The following TMEM268 variants were observed in gnomAD, a reference collection of about 807,000 sequenced individuals.
TMEM268 encodes transmembrane protein C9orf91.
TMEM268 carries 24 observed loss-of-function variants against 39.1 expected under a neutral mutation model. That is an observed-to-expected ratio of 0.61 (90% CI 0.44 to 0.86). The LOEUF (loss-of-function observed/expected upper bound fraction) is 0.86, where lower values mean the gene tolerates loss of function less well. Among genes scored for constraint, TMEM268 ranks in the 40% least tolerant of loss-of-function variants. The pLI is 0.00. For missense variants in TMEM268, 409 were observed against 428.6 expected, an observed-to-expected ratio of 0.95 and a Z score of 0.40; for synonymous variants, 176 against 173.5, an observed-to-expected ratio of 1.01 and a Z score of -0.12.
Position 114,626,119 on chromosome 9 carries a change from C to T in TMEM268, c.217-780C>T, listed in dbSNP as rs1039838790. 2.0e-5 allele frequency among the ~76,000 whole-genome samples: 3 copies of T among 152,176 alleles called. No homozygotes were observed. In the East Asian group the frequency reaches 5.8e-4, roughly 29 times the overall value. ...GGATTACAGGTGTGAGCCACCGTGC[C>T]TGGCATTCTTTTTTATTTTTATAAA... On this transcript the variant is annotated intron_variant, in intron 3 of 8. Coordinates refer to ENST00000288502, the MANE Select transcript of TMEM268 (RefSeq NM_153045.4).
chr9:114,638,234 G>A (rs1303899389), intron 7 of TMEM268, among the ~76,000 whole-genome samples: 3 of 152,144 alleles, frequency 2.0e-5, no homozygotes, highest in African/African-American at 7.2e-5. Flanking sequence ...TGGTGACTGG[G>A]TTTCACCATA....
intron 5 of TMEM268, among the ~76,000 whole-genome samples, chr9:114,630,845 G>A (rs751309150): frequency 7.2e-5 from 11 of 152,142 alleles, no homozygotes; most frequent in Non-Finnish European, 1.6e-4. Flanking sequence ...TCAGCTCCAG[G>A]ACCTCCTCCT....
chr9:114,636,533 C>T (rs1250661242), intron 6 of TMEM268, among the ~76,000 whole-genome samples: 1 of 148,444 alleles, frequency 6.7e-6, no homozygotes, highest in East Asian at 2.0e-4. Context: ...CAGAGTCTTT[C>T]TCTGTCACCC....
chr9:114,643,553 G>C lies in TMEM268; in HGVS notation c.*240G>C. On this transcript the variant is annotated 3_prime_UTR_variant, in exon 9 of 9. Coordinates refer to ENST00000288502, the MANE Select transcript of TMEM268 (RefSeq NM_153045.4). ...GCAGAAGCTGATGGTTACAGAGCTA[G>C]TCCCACCAAAGCTACTCTCTCTGCT... 3 of 514,242 alleles carry C rather than the reference G, an allele frequency of 5.8e-6. No individual in the cohort carries two copies. The highest frequency in any genetic ancestry group is 5.1e-5 in the South Asian group (2 of 39,244). The allele number at this position is 514,242 out of a possible 1,614,324, so 31.9% of individuals were successfully genotyped here. A position where few individuals can be genotyped will look rare whatever the true frequency, so the allele number is the denominator to read the frequency against.
At chr9:114,624,317 C>G (rs887581310) in intron 2 of TMEM268, 33 bp from the exon 3 acceptor site, 2 of 1,567,406 alleles carry the variant, frequency 1.3e-6, no homozygotes, top group African/African-American at 2.7e-5. Flanking sequence ...ATGGTTATCA[C>G]TCAGCCAGAT....
the TMEM268 span, among the ~76,000 whole-genome samples, chr9:114,603,934 C>T: frequency 6.6e-6 from 1 of 152,124 alleles, no homozygotes; most frequent in Non-Finnish European, 1.5e-5. Context: ...GGATGTGAGC[C>T]ACCATGCCCT....
Position 114,624,379 on chromosome 9 carries a change from C to T in TMEM268, c.136C>T (p.Leu46Phe). The change falls in exon 3 of 9, where the codon CTC (leucine) becomes TTC (phenylalanine). Residue 46 changes from leucine (L) to phenylalanine (F), a missense_variant. Transcript: ENST00000288502. ...ELHNGQVLTV[L>F]RIDNTCAPIS... ...CCACAATGGCCAGGTCCTCACTGTT[C>T]TCCGGATTGACAATACCTGTGCACC... The T allele has an allele frequency of 6.2e-7, 1 of 1,603,880 alleles. No homozygotes were observed. The highest frequency in any genetic ancestry group is 8.5e-7 in the Non-Finnish European group (1 of 1,174,716).
intron 6 of TMEM268, 89 bp downstream of exon 6, chr9:114,633,967 A>G (rs1368683953): frequency 4.3e-6 from 3 of 704,592 alleles, no homozygotes; most frequent in East Asian, 5.7e-5. Context: ...CCCAGCCTAC[A>G]CAGTGTTTGC....
At chr9:114,627,694 C>G (rs1846221530) in intron 4 of TMEM268, among the ~76,000 whole-genome samples, 1 of 152,118 alleles carries the variant, frequency 6.6e-6, no homozygotes, top group Admixed American at 6.5e-5. Context: ...ACCCTTATTA[C>G]AATGCCGTGA....
upstream of TMEM268, among the ~76,000 whole-genome samples, chr9:114,608,084 T>C (rs1364027268): frequency 6.6e-6 from 1 of 152,170 alleles, no homozygotes; most frequent in African/African-American, 2.4e-5. Flanking sequence ...CACACCTGAC[T>C]GGATTTCACC....
intron 5 of TMEM268, among the ~76,000 whole-genome samples, chr9:114,629,955 C>G (rs551447746): frequency 1.3e-5 from 2 of 152,172 alleles, no homozygotes; most frequent in African/African-American, 2.4e-5. Flanking sequence ...TAAAACAAAT[C>G]GAGCTGGCTA....
chr9:114,624,193 T>C (rs1846058545), intron 2 of TMEM268, 157 bp from the exon 3 acceptor site: 3 of 1,414,950 alleles, frequency 2.1e-6, no homozygotes, highest in African/African-American at 2.9e-5. Flanking sequence ...TCAAATCCAG[T>C]CCTTCTCTCA....
chr9:114,616,107 C>A (rs1845699567), intron 1 of TMEM268, among the ~76,000 whole-genome samples: 1 of 150,880 alleles, frequency 6.6e-6, no homozygotes, highest in Admixed American at 6.6e-5. Context: ...GCTCCACCCC[C>A]CGGGTTCACG....
intron 2 of TMEM268, among the ~76,000 whole-genome samples, chr9:114,618,838 T>A (rs773495529): frequency 6.6e-6 from 1 of 152,192 alleles, no homozygotes; most frequent in Non-Finnish European, 1.5e-5. Flanking sequence ...AGTGTTGAAG[T>A]CTGGCTTCTT....
intron 6 of TMEM268, among the ~76,000 whole-genome samples, chr9:114,636,538 T>C (rs1846646223): frequency 6.6e-6 from 1 of 152,110 alleles, no homozygotes; most frequent in East Asian, 1.9e-4. Context: ...TCTTTCTCTG[T>C]CACCCAGGCT....
chr9:114,640,067 A>AG (rs1276170839), intron 8 of TMEM268, among the ~76,000 whole-genome samples: 4 of 150,970 alleles, frequency 2.6e-5, no homozygotes, highest in African/African-American at 9.7e-5. Context: ...AAAAAAAAAA[A>AG]AGAGAGAAAT....
intron 6 of TMEM268, among the ~76,000 whole-genome samples, chr9:114,635,882 G>T (rs997470296): frequency 6.6e-6 from 1 of 152,152 alleles, no homozygotes; most frequent in African/African-American, 2.4e-5. Context: ...CAGTTGCAGC[G>T]GGAGGATGGG....
At chr9:114,639,518 A>G (rs984886863) in intron 8 of TMEM268, among the ~76,000 whole-genome samples, 2 of 152,048 alleles carry the variant, frequency 1.3e-5, no homozygotes, top group South Asian at 2.1e-4. Context: ...GAAAATGTGC[A>G]GCTTGTGCTT....
rs1564285096 is a variant in TMEM268, at chr9:114,617,242, C to T, written c.47C>T (p.Pro16Leu). 1.2e-6 allele frequency: 2 copies of T among 1,612,572 alleles called. No individual in the cohort carries two copies. Among genetic ancestry groups the T allele is most frequent in the Non-Finnish European group, 1.7e-6 (2 of 1,179,404 alleles). ...QVDPGATGPL[P>L]PSSPGWSALP... ...GACCCGGGGGCCACTGGCCCATTGCCCCCCTCCTCCCCTGGCTGGAGTGCC... is the reference window on the plus strand; with the variant it reads ...GACCCGGGGGCCACTGGCCCATTGCTCCCCTCCTCCCCTGGCTGGAGTGCC... Residue 16 changes from proline to leucine, a missense_variant, in exon 2 of 9, where the codon CCC becomes CTC. Pro to Leu is a moderately conservative substitution (Grantham distance 98). Coordinates refer to ENST00000288502, the MANE Select transcript of TMEM268 (RefSeq NM_153045.4).
Sources: gnomAD v4.1 joint callset for allele counts (sites outside exome capture counted in the v4.1 genomes callset) on GRCh38, gnomAD v4.1.1 for gene constraint, MANE v1.5 for transcripts, NCBI Gene and HGNC (gene_info 2026-07-23, HGNC 2026-07-21) for gene names.